EPC2: variants seen among roughly 807,000 people sequenced by gnomAD.
EPC2 encodes the protein enhancer of polycomb 2.
In EPC2, 14 loss-of-function variants were observed where a neutral mutation model predicts 92.1. The ratio of observed to expected loss-of-function variants is 0.15; its 90% CI spans 0.10 to 0.24. EPC2 has a LOEUF of 0.24. EPC2 is among the 10% of genes least tolerant of loss of function. EPC2 has a pLI of 1.00. For synonymous variants in EPC2, 340 were observed against 334.7 expected (o/e 1.02, Z -0.17); for missense variants, 755 against 971.5 (o/e 0.78, Z 2.96).
chr2:148,650,329 C>T (rs1680652118), intron 1 of EPC2, among the ~76,000 whole-genome samples: 1 of 152,080 alleles, frequency 6.6e-6, no homozygotes, highest in South Asian at 2.1e-4. Context: ...AAGTCTTCTT[C>T]CAGGAATTCT....
intron 1 of EPC2, among the ~76,000 whole-genome samples, chr2:148,650,835 T>A (rs1024940436): frequency 6.6e-6 from 1 of 152,198 alleles, no homozygotes; most frequent in African/African-American, 2.4e-5. Context: ...CCAGGTATTA[T>A]CTAAATGCCA....
intron 3 of EPC2, among the ~76,000 whole-genome samples, chr2:148,746,833 A>G (rs774200034): frequency 2.6e-5 from 4 of 152,060 alleles, no homozygotes; most frequent in Admixed American, 6.6e-5. Flanking sequence ...ACACACACAC[A>G]CACAATTAGA....
chr2:148,710,093 A>C (rs1000022907), intron 2 of EPC2, among the ~76,000 whole-genome samples: 2 of 152,234 alleles, frequency 1.3e-5, no homozygotes. Context: ...TTTGCAATCT[A>C]CTCATCTGAC....
At position 148,770,818 on chromosome 2, in the gene EPC2, A is replaced by G; in HGVS notation, c.1257A>G (p.Ser419=). 6.2e-7 allele frequency: 1 copy of G among 1,613,186 alleles called. No individual in the cohort carries two copies. Among genetic ancestry groups the G allele is most frequent in the Non-Finnish European group, 8.5e-7 (1 of 1,179,738 alleles). The change falls in exon 9 of 14, where the codon TCA becomes TCG. Residue 419 remains serine, a synonymous_variant. Transcript: ENST00000258484. ...YAPRLDQANH[S]CENSELADLD... is the part of the protein sequence containing the mutation. ...CTCGTTTGGACCAAGCTAACCATTC[A>G]TGTGAAAATTCAGAATTGGCAGATT...
At position 148,680,496 on chromosome 2, in the gene EPC2, G is replaced by A. The variant is rs183455957; in HGVS notation, c.154-9718G>A. On this transcript the variant is annotated intron_variant, in intron 1 of 13. Transcript: ENST00000258484. ...GTAGCATATTCAGCCATCTAGTTTC[G>A]TTTACTCTAGTGCACTTCTATATCT... Among the ~76,000 whole-genome samples the A allele has an allele frequency of 5.3e-5, 8 of 152,158 alleles. No homozygotes were observed. The East Asian group carries it at 1.3e-3, about 26-fold the overall frequency.
At chr2:148,689,052 A>C (rs1333863091) in intron 1 of EPC2, among the ~76,000 whole-genome samples, 1 of 152,206 alleles carries the variant, frequency 6.6e-6, no homozygotes, top group Non-Finnish European at 1.5e-5. Flanking sequence ...GACTGGAAGC[A>C]ATTTTGAAAG....
intron 11 of EPC2, 129 bp from the exon 12 acceptor site, chr2:148,783,468 C>A: frequency 1.3e-6 from 1 of 761,596 alleles, no homozygotes; most frequent in Non-Finnish European, 2.0e-6. Context: ...AATCGTAGAT[C>A]GCTTAATCTA....
rs1371137729 is a variant in EPC2 at position 148,786,409 on chromosome 2, G to C, written c.*32G>C. The C allele has an allele frequency of 1.6e-5, 25 of 1,554,264 alleles. No individual in the cohort carries two copies. The highest frequency in any genetic ancestry group is 1.7e-4 in the Middle Eastern group (1 of 5,982). On this transcript the variant is annotated 3_prime_UTR_variant, in exon 14 of 14. Coordinates refer to ENST00000258484, the MANE Select transcript of EPC2 (RefSeq NM_015630.4). ...ACACGTGGCTCTGACCTGTGCTGATGGTGTGCAGTCATTCATATTCCAGCT... is the reference window on the plus strand; with the variant it reads ...ACACGTGGCTCTGACCTGTGCTGATCGTGTGCAGTCATTCATATTCCAGCT...
intron 2 of EPC2, among the ~76,000 whole-genome samples, chr2:148,698,461 C>A (rs1374490212): frequency 6.6e-6 from 1 of 151,674 alleles, no homozygotes; most frequent in East Asian, 1.9e-4. Flanking sequence ...GATGGTGAAA[C>A]CCTATCTCTA....
At chr2:148,670,309 G>T (rs1490285493) in intron 1 of EPC2, among the ~76,000 whole-genome samples, 1 of 151,490 alleles carries the variant, frequency 6.6e-6, no homozygotes, top group Non-Finnish European at 1.5e-5. Context: ...GTTGCATCAG[G>T]TGGAAGGGTG....
chr2:148,734,871 T>C (rs1682720985), intron 2 of EPC2, among the ~76,000 whole-genome samples: 1 of 151,864 alleles, frequency 6.6e-6, no homozygotes, highest in Admixed American at 6.6e-5. Context: ...GTCAGTAGTT[T>C]GATCTTATTT....
At position 148,722,448 on chromosome 2, in the gene EPC2, G is replaced by T. The variant is rs114039793; in HGVS notation, c.314-21174G>T. On this transcript the variant is annotated intron_variant, in intron 2 of 13. Transcript: ENST00000258484. ...AAAAAATGCATCACTAATCATTAGA[G>T]AAATGGAAATCAAAACCACAATGAG... Among the ~76,000 whole-genome samples, 1,091 of 152,282 alleles carry T rather than the reference G, an allele frequency of 7.2e-3. 6 individuals are homozygous for T. Among genetic ancestry groups the T allele is most frequent in the African/African-American group, 0.025 (1,025 of 41,560 alleles).
chr2:148,716,432 A>C (rs1358877734), intron 2 of EPC2, among the ~76,000 whole-genome samples: 1 of 152,204 alleles, frequency 6.6e-6, no homozygotes, highest in African/African-American at 2.4e-5. Context: ...TTCTAACATG[A>C]AGGGATGTTG....
chr2:148,690,423 C>A, intron 2 of EPC2, 50 bp downstream of exon 2: 3 of 1,467,384 alleles, frequency 2.0e-6, no homozygotes, highest in Non-Finnish European at 2.7e-6. Flanking sequence ...ATTTATCAAC[C>A]AGTGGAAATC....
chr2:148,764,866 T>C, intron 6 of EPC2, 89 bp from the exon 7 acceptor site: 1 of 990,670 alleles, frequency 1.0e-6, no homozygotes, highest in Non-Finnish European at 1.3e-6. Flanking sequence ...GGTAAAAATG[T>C]ATGTTTTTCA....
intron 2 of EPC2, among the ~76,000 whole-genome samples, chr2:148,730,760 T>C (rs1438802514): frequency 6.6e-6 from 1 of 152,216 alleles, no homozygotes; most frequent in African/African-American, 2.4e-5. Flanking sequence ...AAATACTTCT[T>C]AGTTCATATG....
At chr2:148,729,693 TAGAG>T (rs1039392604) in intron 2 of EPC2, among the ~76,000 whole-genome samples, 21 of 144,916 alleles carry the variant, frequency 1.4e-4, no homozygotes, top group South Asian at 4.3e-4. Flanking sequence ...AATGCATAGT[TAGAG>T]AGAGAATAAA....
At chr2:148,655,785 T>C (rs1680780803) in intron 1 of EPC2, among the ~76,000 whole-genome samples, 1 of 152,174 alleles carries the variant, frequency 6.6e-6, no homozygotes, top group Non-Finnish European at 1.5e-5. Context: ...GCATACAGGC[T>C]GCAGATTTTA....
chr2:148,755,671 G>T (rs547208926), intron 4 of EPC2, among the ~76,000 whole-genome samples: 1 of 152,286 alleles, frequency 6.6e-6, no homozygotes, highest in African/African-American at 2.4e-5. Context: ...GCAGCAATAG[G>T]CTATACCTTC....
Sources: gnomAD v4.1 joint callset for allele counts (sites outside exome capture counted in the v4.1 genomes callset) on GRCh38, gnomAD v4.1.1 for gene constraint, MANE v1.5 for transcripts, NCBI Gene and HGNC (gene_info 2026-07-23, HGNC 2026-07-21) for gene names.